TRABD2B: variants seen among roughly 807,000 people sequenced by gnomAD.
The protein encoded by TRABD2B is metalloprotease TIKI2.
TRABD2B carries 14 observed loss-of-function variants against 40.1 expected under a neutral mutation model. The observed-to-expected ratio is 0.35, with a 90% CI of 0.23 to 0.55. The LOEUF is 0.55. TRABD2B is among the 20% of genes least tolerant of loss of function. TRABD2B has a pLI of 0.90. For synonymous variants in TRABD2B, 263 were observed against 277.0 expected, an observed-to-expected ratio of 0.95 and a Z score of 0.50; for missense variants, 541 against 648.6, an observed-to-expected ratio of 0.83 and a Z score of 1.80.
intron 2 of TRABD2B, among the ~76,000 whole-genome samples, chr1:47,856,677 A>G (rs1355717301): frequency 1.3e-5 from 2 of 152,174 alleles, no homozygotes; most frequent in Admixed American, 6.5e-5. Context: ...CTGGTTACAC[A>G]CTGTCCACAC....
In TRABD2B at chr1:47,996,905, T is replaced by A. The variant is rs1646101700; in HGVS notation, c.-116A>T. 3 of 1,125,494 alleles carry A rather than the reference T, an allele frequency of 2.7e-6. No homozygotes were observed. The highest frequency in any genetic ancestry group is 3.3e-6 in the Non-Finnish European group (3 of 920,830). 69.7% of individuals were successfully genotyped at this position (1,125,494 alleles called of 1,614,324 possible). On this transcript the variant is annotated 5_prime_UTR_variant, in exon 1 of 7. Transcript: ENST00000606738. This position sits in a 1 kb window ranked among gnomAD's most constrained non-coding sequence, Gnocchi z 4.6. ...GGAGCACGGGGCTCCAGCCGCAGGA[T>A]GCTGGGCGCCCTCTGGGGCGTGGCT... is the stretch of plus-strand genomic sequence containing the variant.
intron 2 of TRABD2B, among the ~76,000 whole-genome samples, chr1:47,911,319 C>G (rs961118607): frequency 2.0e-5 from 3 of 152,180 alleles, no homozygotes; most frequent in African/African-American, 7.2e-5. Flanking sequence ...TCTGCACAGG[C>G]CTGGGGAGAC....
intron 4 of TRABD2B, among the ~76,000 whole-genome samples, chr1:47,779,307 G>A (rs1463945198): frequency 6.6e-6 from 1 of 152,184 alleles, no homozygotes; most frequent in Non-Finnish European, 1.5e-5. Context: ...GTCACCTACA[G>A]GAGGCAGAAA....
At chr1:47,823,686 G>A (rs1645139972) in intron 2 of TRABD2B, among the ~76,000 whole-genome samples, 1 of 152,174 alleles carries the variant, frequency 6.6e-6, no homozygotes, top group Admixed American at 6.5e-5. Context: ...CTTCAGCCCG[G>A]CTGAACAGGA....
intron 2 of TRABD2B, among the ~76,000 whole-genome samples, chr1:47,928,184 T>G (rs1644994850): frequency 6.6e-6 from 1 of 152,076 alleles, no homozygotes; most frequent in Non-Finnish European, 1.5e-5. Flanking sequence ...AGCCACACAG[T>G]AAATAAGTGG....
In TRABD2B at chr1:47,974,739, G is replaced by C. The variant is rs560587588; in HGVS notation, c.666+19295C>G. On this transcript the variant is annotated intron_variant, in intron 2 of 6. Coordinates refer to ENST00000606738, the MANE Select transcript of TRABD2B (RefSeq NM_001194986.2). ...TTGTTCACAGCAACTCCTTTCCAATGTGTGCAGTATGAAAAGATGGAGGGA... is the reference window on the plus strand; with the variant it reads ...TTGTTCACAGCAACTCCTTTCCAATCTGTGCAGTATGAAAAGATGGAGGGA... Among the ~76,000 whole-genome samples, 228 of 152,282 alleles carry C rather than the reference G, an allele frequency of 1.5e-3. 1 individual carries two copies. Among genetic ancestry groups the C allele is most frequent in the African/African-American group, 5.2e-3 (214 of 41,550 alleles).
chr1:47,820,631 C>T (rs983460470), intron 2 of TRABD2B, among the ~76,000 whole-genome samples: 1 of 152,324 alleles, frequency 6.6e-6, no homozygotes, highest in South Asian at 2.1e-4. Context: ...CCAGCCAGCC[C>T]TATGCCCTCA....
intron 2 of TRABD2B, among the ~76,000 whole-genome samples, chr1:47,924,645 C>T (rs1175289643): frequency 6.6e-6 from 1 of 152,096 alleles, no homozygotes; most frequent in African/African-American, 2.4e-5. Context: ...GGACAAACGA[C>T]GTGGCATTTT....
At chr1:47,991,319 A>T (rs915269482) in intron 2 of TRABD2B, among the ~76,000 whole-genome samples, 1 of 152,190 alleles carries the variant, frequency 6.6e-6, no homozygotes, top group Non-Finnish European at 1.5e-5. Context: ...GGAATTGATT[A>T]GAATCATCCT....
chr1:47,982,607 A>T lies in TRABD2B; in HGVS notation c.666+11427T>A, dbSNP rs1381729587. Among the ~76,000 whole-genome samples, 3 of 152,294 alleles carry T rather than the reference A, an allele frequency of 2.0e-5. No individual in the cohort carries two copies. The East Asian group carries it at 5.8e-4, about 29-fold the overall frequency. Reference sequence around the variant, plus strand: ...TCCTCAAAATGAGGGAAAAATGCTTACCTTTCAGGATTGTTTTAGAAATTT... The same window carrying T: ...TCCTCAAAATGAGGGAAAAATGCTTTCCTTTCAGGATTGTTTTAGAAATTT... On this transcript the variant is annotated intron_variant, in intron 2 of 6. Transcript: ENST00000606738.
intron 2 of TRABD2B, among the ~76,000 whole-genome samples, chr1:47,889,268 G>A (rs1429328132): frequency 1.3e-5 from 2 of 152,214 alleles, no homozygotes; most frequent in Non-Finnish European, 2.9e-5. Flanking sequence ...TTGGATCCCA[G>A]CTCTGCCCCA....
chr1:47,957,155 G>A (rs971681018), intron 2 of TRABD2B, among the ~76,000 whole-genome samples: 2 of 152,222 alleles, frequency 1.3e-5, no homozygotes, highest in Non-Finnish European at 2.9e-5. Flanking sequence ...CTGACTGTTA[G>A]AAAGAAAACT....
intron 2 of TRABD2B, among the ~76,000 whole-genome samples, chr1:47,925,449 T>C (rs1043784904): frequency 6.6e-6 from 1 of 151,966 alleles, no homozygotes; most frequent in Admixed American, 6.5e-5. Flanking sequence ...TCCAAAGAAA[T>C]GGGAAAAAAA....
At chr1:47,863,372 T>TTATTTATATATATA (rs568340180) in intron 2 of TRABD2B, among the ~76,000 whole-genome samples, 1 of 66,496 alleles carries the variant, frequency 1.5e-5, no homozygotes, top group African/African-American at 5.2e-5. Flanking sequence ...CTATATAATT[T>TTATTTATATATATA]TATATATATA....
chr1:47,906,507 T>C (rs183474347), intron 2 of TRABD2B, among the ~76,000 whole-genome samples: 3 of 152,314 alleles, frequency 2.0e-5, no homozygotes, highest in Admixed American at 2.0e-4. Flanking sequence ...GTTTTGAGGT[T>C]GCCTTTCTTC....
chr1:47,804,038 G>A (rs914706860), intron 2 of TRABD2B, among the ~76,000 whole-genome samples: 2 of 152,188 alleles, frequency 1.3e-5, no homozygotes, highest in Non-Finnish European at 2.9e-5. Flanking sequence ...TAGGCAACAG[G>A]GCCAAGCGTG....
intron 2 of TRABD2B, among the ~76,000 whole-genome samples, chr1:47,829,490 C>T (rs1033751453): frequency 6.6e-6 from 1 of 152,138 alleles, no homozygotes; most frequent in Admixed American, 6.5e-5. Flanking sequence ...TAATCCACAT[C>T]CGTCTGCAGG....
At chr1:47,814,335 G>A (rs779885940) in intron 2 of TRABD2B, among the ~76,000 whole-genome samples, 2 of 152,228 alleles carry the variant, frequency 1.3e-5, no homozygotes, top group Non-Finnish European at 2.9e-5. Context: ...ATTAAGGAGG[G>A]AGTGATCATC....
At chr1:47,835,044 G>A (rs537007077) in intron 2 of TRABD2B, among the ~76,000 whole-genome samples, 1 of 152,238 alleles carries the variant, frequency 6.6e-6, no homozygotes, top group Admixed American at 6.5e-5. Flanking sequence ...AGAAATGTAT[G>A]AGAATTATGC....
Sources: allele counts gnomAD v4.1 joint callset (sites outside exome capture counted in the v4.1 genomes callset), GRCh38; gene constraint gnomAD v4.1.1; non-coding constraint Gnocchi (gnomAD v3.1); transcripts MANE v1.5; gene names NCBI Gene and HGNC (gene_info 2026-07-23, HGNC 2026-07-21).